Variants in LTBP1 observed in about 807,000 individuals in gnomAD.
LTBP1 encodes the protein latent-transforming growth factor beta-binding protein 1.
In LTBP1, 129 loss-of-function variants were observed where a neutral mutation model predicts 207.6. The observed-to-expected ratio is 0.62, with a 90% CI of 0.54 to 0.72. The LOEUF (loss-of-function observed/expected upper bound fraction) is 0.72, where lower values mean the gene tolerates loss of function less well. LTBP1 is among the 30% of genes least tolerant of loss of function. LTBP1 has a pLI of 0.00. For missense variants in LTBP1, 2,281 were observed against 2,217.2 expected, an observed-to-expected ratio of 1.03 and a Z score of -0.58; for synonymous variants, 963 against 833.7, an observed-to-expected ratio of 1.16 and a Z score of -2.67.
intron 19 of LTBP1, chr2:33,291,824 A>G (rs1249317862): frequency 6.6e-6 from 1 of 152,246 alleles, no homozygotes; most frequent in Non-Finnish European, 1.5e-5. Context: ...GTGCAAATGC[A>G]TGCAATCTAG....
At chr2:32,968,746 C>G (rs1260655371) in intron 2 of LTBP1, among the ~76,000 whole-genome samples, 2 of 145,036 alleles carry the variant, frequency 1.4e-5, no homozygotes, top group Non-Finnish European at 3.0e-5. Flanking sequence ...TTTTTTAAGA[C>G]AGGGTCTTGC....
intron 2 of LTBP1, among the ~76,000 whole-genome samples, chr2:33,017,703 G>C (rs1293099785): frequency 6.6e-6 from 1 of 152,088 alleles, no homozygotes; most frequent in African/African-American, 2.4e-5. Context: ...TGCAAGCTCC[G>C]CCTCCTGGGT....
rs1315136011 is a variant in LTBP1 at position 33,399,199 on chromosome 2, C to G, written c.*654C>G. ...TGTCCGTTCTTAGCCAAGCTGCTAG[C>G]AGGTGTTAATTGGATCCCTTTCCTT... On this transcript the variant is annotated 3_prime_UTR_variant, in exon 34 of 34. Coordinates refer to ENST00000404816, the MANE Select transcript of LTBP1 (RefSeq NM_206943.4). 6.6e-6 allele frequency: 1 copy of G among 152,474 alleles called. No homozygotes were observed. The highest frequency in any genetic ancestry group is 1.5e-5 in the Non-Finnish European group (1 of 68,048). 9.4% of individuals were successfully genotyped at this position (152,474 alleles called of 1,614,324 possible).
At chr2:32,996,010 C>A (rs1193453038) in intron 2 of LTBP1, among the ~76,000 whole-genome samples, 2 of 152,200 alleles carry the variant, frequency 1.3e-5, no homozygotes, top group African/African-American at 4.8e-5. Flanking sequence ...TGTTGCTTTC[C>A]TATACATATC....
At chr2:33,298,665 T>C (rs1012286402) in intron 20 of LTBP1, among the ~76,000 whole-genome samples, 15 of 152,222 alleles carry the variant, frequency 9.9e-5, no homozygotes, top group Non-Finnish European at 2.1e-4. Flanking sequence ...TAAAATAATC[T>C]TTAAAATGAA....
chr2:33,159,678 G>C (rs2084290886), intron 5 of LTBP1, among the ~76,000 whole-genome samples: 1 of 152,088 alleles, frequency 6.6e-6, no homozygotes, highest in Admixed American at 6.5e-5. Context: ...AGGATTATTA[G>C]AGAAGAATTC....
chr2:33,084,714 CAT>C (rs1294660691), intron 3 of LTBP1, among the ~76,000 whole-genome samples: 2 of 152,174 alleles, frequency 1.3e-5, no homozygotes, highest in Admixed American at 6.5e-5. Context: ...TTTAAACACA[CAT>C]GATTTGTTTG....
intron 24 of LTBP1, among the ~76,000 whole-genome samples, chr2:33,326,640 AATTTATTT>A (rs10529829): frequency 5.5e-5 from 8 of 144,590 alleles, no homozygotes; most frequent in East Asian, 2.0e-4. Context: ...TGAGGGATAT[AATTTATTT>A]ATTTATTTAT....
At chr2:33,020,504 C>T (rs1417698904) in intron 2 of LTBP1, among the ~76,000 whole-genome samples, 1 of 152,126 alleles carries the variant, frequency 6.6e-6, no homozygotes, top group African/African-American at 2.4e-5. Flanking sequence ...TTCTGGGAGG[C>T]AGATGCAGTA....
At chr2:32,957,995 T>C (rs972749106) in intron 2 of LTBP1, among the ~76,000 whole-genome samples, 1 of 152,182 alleles carries the variant, frequency 6.6e-6, no homozygotes, top group African/African-American at 2.4e-5. Context: ...CTCCCTTCTA[T>C]CTTACCTGCT....
intron 5 of LTBP1, among the ~76,000 whole-genome samples, chr2:33,185,216 G>A (rs960034305): frequency 6.6e-6 from 1 of 152,130 alleles, no homozygotes; most frequent in African/African-American, 2.4e-5. Flanking sequence ...GATTGCAGAG[G>A]ATCCCTGTAA....
At chr2:33,006,654 A>T (rs1233486155) in intron 2 of LTBP1, among the ~76,000 whole-genome samples, 2 of 152,018 alleles carry the variant, frequency 1.3e-5, no homozygotes, top group African/African-American at 4.8e-5. Flanking sequence ...AAGTGCTGGG[A>T]TTACAGGTGT....
chr2:33,234,922 T>A (rs1257444243), intron 9 of LTBP1, among the ~76,000 whole-genome samples: 1 of 152,094 alleles, frequency 6.6e-6, no homozygotes. Flanking sequence ...AAGACTTAAA[T>A]GTAAGACCTA....
At chr2:32,999,286 G>A (rs752754167) in intron 2 of LTBP1, among the ~76,000 whole-genome samples, 4 of 152,154 alleles carry the variant, frequency 2.6e-5, no homozygotes, top group African/African-American at 7.2e-5. Flanking sequence ...CTAGATAGTC[G>A]TTTTCTTTCC....
intron 3 of LTBP1, among the ~76,000 whole-genome samples, chr2:33,057,795 C>T (rs557244011): frequency 1.8e-4 from 28 of 152,218 alleles, no homozygotes; most frequent in Non-Finnish European, 2.9e-4. Context: ...CCCCAGTTCC[C>T]GCCCATGCCT....
chr2:33,209,093 G>A (rs1033864095), intron 7 of LTBP1, among the ~76,000 whole-genome samples: 6 of 151,802 alleles, frequency 4.0e-5, no homozygotes, highest in African/African-American at 9.7e-5. Flanking sequence ...GGCTGGTTTC[G>A]AACTCCTGAC....
intron 3 of LTBP1, among the ~76,000 whole-genome samples, chr2:33,035,944 C>CT (rs34918649): frequency 2.0e-5 from 3 of 152,084 alleles, no homozygotes; most frequent in African/African-American, 4.8e-5. Flanking sequence ...TTCCTTTATC[C>CT]TTTTTTCCCA....
intron 2 of LTBP1, among the ~76,000 whole-genome samples, chr2:32,981,083 T>A (rs978514466): frequency 3.3e-5 from 5 of 152,228 alleles, no homozygotes; most frequent in African/African-American, 1.2e-4. Flanking sequence ...CTTGGTGTTC[T>A]GTAACCTTCT....
At chr2:33,351,673 T>C (rs1202075842) in intron 26 of LTBP1, among the ~76,000 whole-genome samples, 1 of 152,166 alleles carries the variant, frequency 6.6e-6, no homozygotes, top group Admixed American at 6.5e-5. Flanking sequence ...AGCTTCTATA[T>C]GGTAAACTCC....
Sources: allele counts gnomAD v4.1 joint callset (sites outside exome capture counted in the v4.1 genomes callset), GRCh38; gene constraint gnomAD v4.1.1; transcripts MANE v1.5; gene names NCBI Gene and HGNC (gene_info 2026-07-23, HGNC 2026-07-21).